FGF14: variants seen among roughly 807,000 people sequenced by gnomAD.
The protein encoded by FGF14 is fibroblast growth factor homologous factor 4.
FGF14 carries 5 observed loss-of-function variants against 25.5 expected under a neutral mutation model. The observed-to-expected ratio is 0.20, with a 90% confidence interval of 0.10 to 0.41. The LOEUF (loss-of-function observed/expected upper bound fraction) is 0.41, where lower values mean the gene tolerates loss of function less well. Ranked by LOEUF, FGF14 falls within the 10% of genes least tolerant of loss-of-function variation. FGF14 has a pLI of 1.00. For missense variants in FGF14, 222 were observed against 320.1 expected, an observed-to-expected ratio of 0.69 and a Z score of 2.34; for synonymous variants, 138 against 118.3, an observed-to-expected ratio of 1.17 and a Z score of -1.08.
Position 102,051,265 on chromosome 13 carries a change from T to A in FGF14, c.209-175969A>T, listed in dbSNP as rs563889916. Among the ~76,000 whole-genome samples, 253 of 152,290 alleles carry A rather than the reference T, an allele frequency of 1.7e-3. 1 individual carries two copies. Among genetic ancestry groups the A allele is most frequent in the African/African-American group, 5.5e-3 (228 of 41,562 alleles). ...ACATTTAACTCTCACCCATCTGTGA[T>A]CTCATTTCCAGATCTCTTTCTGCTC... On this transcript the variant is annotated intron_variant, in intron 1 of 4. Transcript: ENST00000376131.
chr13:102,318,173 C>A (rs1427057911), intron 1 of FGF14, among the ~76,000 whole-genome samples: 2 of 152,150 alleles, frequency 1.3e-5, no homozygotes, highest in African/African-American at 4.8e-5. Context: ...CTCAGCACAC[C>A]TGCAGACATT....
intron 3 of FGF14, among the ~76,000 whole-genome samples, chr13:101,842,027 T>C (rs1339765525): frequency 6.6e-6 from 1 of 152,030 alleles, no homozygotes; most frequent in Non-Finnish European, 1.5e-5. Flanking sequence ...TTTTAAATTT[T>C]CTTTGGCAAC....
chr13:101,937,653 G>A (rs1426661065), intron 1 of FGF14, among the ~76,000 whole-genome samples: 1 of 152,188 alleles, frequency 6.6e-6, no homozygotes, highest in Non-Finnish European at 1.5e-5. Context: ...GAAGTGCAGT[G>A]ATGTGATCTC....
intron 1 of FGF14, 30 bp downstream of exon 1, chr13:101,916,423 G>T (rs368098464): frequency 5.3e-5 from 86 of 1,612,812 alleles, no homozygotes; most frequent in Non-Finnish European, 6.6e-5. Flanking sequence ...GCGACCCGGG[G>T]CGCATCTCCC....
chr13:102,376,251 T>C (rs995432687), intron 1 of FGF14, among the ~76,000 whole-genome samples: 1 of 152,168 alleles, frequency 6.6e-6, no homozygotes, highest in African/African-American at 2.4e-5. Flanking sequence ...ACATGGCAGT[T>C]TCCCTACACA....
chr13:101,838,323 C>A (rs759882672), intron 3 of FGF14, among the ~76,000 whole-genome samples: 2 of 151,946 alleles, frequency 1.3e-5, no homozygotes, highest in Non-Finnish European at 2.9e-5. Flanking sequence ...TCTGTGATGT[C>A]CTGTTATTCC....
At chr13:101,944,317 A>G (rs77003619) in intron 1 of FGF14, among the ~76,000 whole-genome samples, 3,038 of 152,296 alleles carry the variant, frequency 0.02, 119 homozygotes, top group African/African-American at 0.07. Context: ...ACACATCCCT[A>G]AAAGTGATTA....
chr13:102,299,334 G>C (rs901210641), intron 1 of FGF14, among the ~76,000 whole-genome samples: 3 of 151,984 alleles, frequency 2.0e-5, no homozygotes, highest in Non-Finnish European at 4.4e-5. Flanking sequence ...CCAATCCAGG[G>C]GAGTCAAAAT....
At chr13:101,871,653 C>T (rs1228342188) in intron 2 of FGF14, among the ~76,000 whole-genome samples, 2 of 151,760 alleles carry the variant, frequency 1.3e-5, no homozygotes, top group African/African-American at 2.4e-5. Context: ...AGTTTAAGAG[C>T]ACAGAAAAAA....
At chr13:101,841,208 CCTTA>C (rs1377913661) in intron 3 of FGF14, among the ~76,000 whole-genome samples, 1 of 151,838 alleles carries the variant, frequency 6.6e-6, no homozygotes, top group Admixed American at 6.6e-5. Flanking sequence ...TATTTAAATT[CCTTA>C]CTTTATTATT....
Position 102,252,621 on chromosome 13 carries a change from C to T in FGF14, c.208+148850G>A, listed in dbSNP as rs187386107. 6.0e-3 allele frequency among the ~76,000 whole-genome samples: 913 copies of T among 152,070 alleles called. 4 individuals are homozygous for T. The highest frequency in any genetic ancestry group is 0.01 in the Non-Finnish European group (680 of 67,982). On this transcript the variant is annotated intron_variant, in intron 1 of 4. Coordinates refer to the FGF14 transcript ENST00000376131. ...AAATGCTATGTAAATAGCTGTTATACTCCATTGTTTCTTATATGTATTTTT... is the reference window on the plus strand; with the variant it reads ...AAATGCTATGTAAATAGCTGTTATATTCCATTGTTTCTTATATGTATTTTT...
At chr13:102,183,652 A>G (rs994681306) in intron 1 of FGF14, among the ~76,000 whole-genome samples, 12 of 152,112 alleles carry the variant, frequency 7.9e-5, no homozygotes, top group Non-Finnish European at 1.3e-4. Context: ...CTCCCACCCC[A>G]TGTGAGTCAG....
intron 1 of FGF14, among the ~76,000 whole-genome samples, chr13:101,966,646 C>T (rs1566506663): frequency 6.6e-6 from 1 of 152,084 alleles, no homozygotes; most frequent in Non-Finnish European, 1.5e-5. Flanking sequence ...CCACGCCCAG[C>T]TAATTTTTGT....
intron 1 of FGF14, among the ~76,000 whole-genome samples, chr13:102,059,876 A>C (rs527527866): frequency 1.1e-4 from 16 of 151,956 alleles, no homozygotes; most frequent in South Asian, 8.3e-4. Context: ...AAAACAAAAA[A>C]AAAAGAAAAG....
intron 3 of FGF14, among the ~76,000 whole-genome samples, chr13:101,858,290 T>C (rs2044230747): frequency 6.6e-6 from 1 of 151,586 alleles, no homozygotes; most frequent in Non-Finnish European, 1.5e-5. Flanking sequence ...ATTTCAGTCA[T>C]GAGTCCTCTC....
chr13:101,794,442 A>G (rs2040409693), intron 3 of FGF14, among the ~76,000 whole-genome samples: 1 of 152,150 alleles, frequency 6.6e-6, no homozygotes, highest in Non-Finnish European at 1.5e-5. Flanking sequence ...CAAACCAAGC[A>G]GGACCACTTA....
intron 1 of FGF14, among the ~76,000 whole-genome samples, chr13:102,035,322 G>A (rs1262661011): frequency 6.6e-6 from 1 of 152,120 alleles, no homozygotes. Context: ...GCAGCCATGT[G>A]TTTGGATGAA....
chr13:102,014,343 C>T (rs2040229752), intron 1 of FGF14, among the ~76,000 whole-genome samples: 2 of 152,120 alleles, frequency 1.3e-5, no homozygotes, highest in African/African-American at 2.4e-5. Context: ...AGTGTAACAA[C>T]TCTATAATAT....
chr13:101,736,207 T>G (rs2036176396), intron 3 of FGF14, among the ~76,000 whole-genome samples: 1 of 152,196 alleles, frequency 6.6e-6, no homozygotes, highest in African/African-American at 2.4e-5. Context: ...TGTATTGTTA[T>G]GTGTGTATAC....
Sources: allele counts gnomAD v4.1 joint callset (sites outside exome capture counted in the v4.1 genomes callset), GRCh38; gene constraint gnomAD v4.1.1; transcripts MANE v1.5; gene names NCBI Gene and HGNC (gene_info 2026-07-23, HGNC 2026-07-21).